IPO5: variants seen among roughly 807,000 people sequenced by gnomAD.
The protein encoded by IPO5 is importin-5.
Under a neutral mutation model 143.3 loss-of-function variants are expected in IPO5, and 18 were observed. The observed-to-expected ratio is 0.13, with a 90% CI of 0.09 to 0.19. The LOEUF (loss-of-function observed/expected upper bound fraction) is 0.19, where lower values mean the gene tolerates loss of function less well. Ranked by LOEUF, IPO5 falls within the 10% of genes least tolerant of loss-of-function variation. The pLI, the probability that IPO5 is intolerant of heterozygous loss-of-function variation, is 1.00. For missense variants in IPO5, 1,013 were observed against 1,336.9 expected (o/e 0.76, Z 3.78); for synonymous variants, 477 against 465.7 (o/e 1.02, Z -0.31).
chr13:98,003,718 G>A (rs1473077945), intron 16 of IPO5, among the ~76,000 whole-genome samples: 1 of 152,028 alleles, frequency 6.6e-6, no homozygotes, highest in African/African-American at 2.4e-5. Context: ...GTGTGGTGGT[G>A]CACGCCTGTA....
chr13:98,018,778 C>T, intron 26 of IPO5, 74 bp downstream of exon 26: 1 of 1,038,388 alleles, frequency 9.6e-7, no homozygotes, highest in South Asian at 1.5e-5. Context: ...CTCTTTACCA[C>T]ACTCCCAAAC....
intron 5 of IPO5, among the ~76,000 whole-genome samples, chr13:97,982,797 G>A (rs1886964871): frequency 6.6e-6 from 1 of 152,152 alleles, no homozygotes; most frequent in Admixed American, 6.5e-5. Flanking sequence ...TTCCGCATAA[G>A]ATAATGTGTC....
intron 13 of IPO5, among the ~76,000 whole-genome samples, chr13:98,001,148 A>G (rs1888738329): frequency 6.6e-6 from 1 of 152,130 alleles, no homozygotes; most frequent in Non-Finnish European, 1.5e-5. Flanking sequence ...TGCTTAGATT[A>G]TAGGCATGAG....
intron 3 of IPO5, among the ~76,000 whole-genome samples, chr13:97,974,640 T>G (rs1370018473): frequency 6.8e-6 from 1 of 147,724 alleles, no homozygotes; most frequent in Non-Finnish European, 1.5e-5. Flanking sequence ...TAACCTTGGC[T>G]GATGATGAAA....
intron 2 of IPO5, among the ~76,000 whole-genome samples, chr13:97,969,153 G>GTATATATATATATATATATA (rs1210544640): frequency 1.4e-4 from 9 of 63,450 alleles, no homozygotes; most frequent in Non-Finnish European, 2.6e-4. Flanking sequence ...TTTCTGCTAA[G>GTATATATATATATATATATA]TATATATATA....
chr13:97,996,420 A>G (rs987049602), intron 11 of IPO5, among the ~76,000 whole-genome samples: 1 of 152,166 alleles, frequency 6.6e-6, no homozygotes, highest in African/African-American at 2.4e-5. Flanking sequence ...AACAAGTGTA[A>G]TTGTGGAATA....
Position 98,011,695 on chromosome 13 carries a change from C to T in IPO5, c.2056-551C>T, listed in dbSNP as rs545958240. On this transcript the variant is annotated intron_variant, in intron 20 of 28. Coordinates refer to ENST00000651721, the MANE Select transcript of IPO5 (RefSeq NM_002271.6). ...CTAATTTTTGTATTTTTAGTAGAGACGGGGTTTCACTGTGTTGGCCAGGCT... is the reference window on the plus strand; with the variant it reads ...CTAATTTTTGTATTTTTAGTAGAGATGGGGTTTCACTGTGTTGGCCAGGCT... Among the ~76,000 whole-genome samples, 87 of 152,122 alleles carry T rather than the reference C, an allele frequency of 5.7e-4. 1 individual carries two copies. The highest frequency in any genetic ancestry group is 2.0e-3 in the African/African-American group (84 of 41,500).
At chr13:97,978,328 T>G (rs1361093953) in intron 4 of IPO5, among the ~76,000 whole-genome samples, 1 of 152,146 alleles carries the variant, frequency 6.6e-6, no homozygotes, top group Non-Finnish European at 1.5e-5. Context: ...ATAAGTGAGG[T>G]TTTGGTCAGC....
chr13:98,004,621 C>G (rs1416784654), intron 16 of IPO5, among the ~76,000 whole-genome samples: 2 of 152,030 alleles, frequency 1.3e-5, no homozygotes, highest in African/African-American at 4.8e-5. Flanking sequence ...GGACAGTGTT[C>G]ACGAGGAAGA....
intron 2 of IPO5, among the ~76,000 whole-genome samples, chr13:97,960,977 T>C (rs1297176561): frequency 1.3e-5 from 2 of 152,168 alleles, no homozygotes; most frequent in African/African-American, 4.8e-5. Flanking sequence ...TAGCACTCAC[T>C]GATTCCCCTA....
At position 98,009,742 on chromosome 13, in the gene IPO5, C is replaced by A. The variant is rs1889548360; in HGVS notation, c.1801-139C>A. Reference sequence around the variant, plus strand: ...GATTCTGAACCTTTTAAGTACATAACCTTTAGAAATGCTCTTACTGCTTAA... The same window carrying A: ...GATTCTGAACCTTTTAAGTACATAAACTTTAGAAATGCTCTTACTGCTTAA... On this transcript the variant is annotated intron_variant, in intron 18 of 28. Coordinates refer to ENST00000651721, the MANE Select transcript of IPO5 (RefSeq NM_002271.6). The A allele has an allele frequency of 4.5e-6, 3 of 673,986 alleles. No individual in the cohort carries two copies. The East Asian group carries it at 8.1e-5, about 18-fold the overall frequency. The allele number at this position is 673,986 out of a possible 1,614,324, so 41.8% of individuals were successfully genotyped here.
intron 24 of IPO5, among the ~76,000 whole-genome samples, chr13:98,016,382 C>G (rs368477588): frequency 6.6e-6 from 1 of 152,062 alleles, no homozygotes; most frequent in Non-Finnish European, 1.5e-5. Context: ...GATTATTCTG[C>G]TGAAAACAAA....
At chr13:98,018,275 A>T (rs1890254867) in intron 25 of IPO5, among the ~76,000 whole-genome samples, 1 of 152,214 alleles carries the variant, frequency 6.6e-6, no homozygotes, top group Non-Finnish European at 1.5e-5. Flanking sequence ...GTTCTGTAAC[A>T]AATCATACAA....
At chr13:97,975,537 T>C (rs1187130680) in intron 3 of IPO5, 1 of 152,234 alleles carries the variant, frequency 6.6e-6, no homozygotes, top group Non-Finnish European at 1.5e-5. Flanking sequence ...TCAACAAAAG[T>C]ACCCTCTGAT....
chr13:97,958,677 A>G (rs1884638204), intron 2 of IPO5, among the ~76,000 whole-genome samples: 1 of 151,918 alleles, frequency 6.6e-6, no homozygotes. Flanking sequence ...ATCTCAAAAA[A>G]AAAAAAGAAA....
intron 3 of IPO5, among the ~76,000 whole-genome samples, chr13:97,976,208 T>C (rs1390241508): frequency 6.6e-6 from 1 of 151,098 alleles, no homozygotes; most frequent in South Asian, 2.1e-4. Flanking sequence ...TCAGGCCCCT[T>C]GCCGCGGCCG....
chr13:98,009,008 C>G (rs796504450), intron 18 of IPO5, among the ~76,000 whole-genome samples: 5 of 152,234 alleles, frequency 3.3e-5, no homozygotes, highest in African/African-American at 1.2e-4. Flanking sequence ...ACAGAGATAA[C>G]AGGCAGGAGG....
chr13:97,967,630 C>CTGTT (rs200549073), intron 2 of IPO5, among the ~76,000 whole-genome samples: 2,792 of 151,788 alleles, frequency 0.018, 218 homozygotes, highest in Admixed American at 0.14. Flanking sequence ...AAAGTATTTT[C>CTGTT]TGTTTGTTTG....
At chr13:97,953,990 T>TG (rs1348263375) in intron 1 of IPO5, 129 bp from the exon 2 acceptor site, 2 of 446,972 alleles carry the variant, frequency 4.5e-6, no homozygotes, top group Non-Finnish European at 9.0e-6. Flanking sequence ...TTACGTGAGC[T>TG]GGGGACTAAC....
Sources: gnomAD v4.1 joint callset for allele counts (sites outside exome capture counted in the v4.1 genomes callset) on GRCh38, gnomAD v4.1.1 for gene constraint, MANE v1.5 for transcripts, NCBI Gene and HGNC (gene_info 2026-07-23, HGNC 2026-07-21) for gene names.